LUZP1: variants seen among roughly 807,000 people sequenced by gnomAD.
LUZP1 encodes the protein leucine zipper protein 1, also known as filamin mechanobinding actin cross-linking protein.
In LUZP1, 25 loss-of-function variants were observed where a neutral mutation model predicts 71.3. The ratio of observed to expected loss-of-function variants is 0.35; its 90% CI spans 0.26 to 0.49. LUZP1 has a LOEUF of 0.49. LUZP1 is among the 20% of genes least tolerant of loss of function. The pLI is 0.99. For missense variants in LUZP1, 1,142 were observed against 1,300.8 expected, an observed-to-expected ratio of 0.88 and a Z score of 1.88; for synonymous variants, 481 against 506.4, an observed-to-expected ratio of 0.95 and a Z score of 0.67.
intron 2 of LUZP1, among the ~76,000 whole-genome samples, chr1:23,167,271 T>C (rs1644516926): frequency 6.6e-6 from 1 of 152,176 alleles, no homozygotes; most frequent in Admixed American, 6.5e-5. Flanking sequence ...TTAGGTGATC[T>C]GAATTCTCCC....
At chr1:23,117,186 C>T (rs1644086155) in intron 2 of LUZP1, among the ~76,000 whole-genome samples, 1 of 152,112 alleles carries the variant, frequency 6.6e-6, no homozygotes, top group South Asian at 2.1e-4. Flanking sequence ...TGGCAACATG[C>T]TATAAGGGAA....
chr1:23,103,229 G>A (rs1269699970), intron 3 of LUZP1, among the ~76,000 whole-genome samples: 3 of 151,886 alleles, frequency 2.0e-5, no homozygotes, highest in African/African-American at 4.8e-5. Flanking sequence ...ACAGACGCGA[G>A]CCACCGCCCC....
chr1:23,124,422 AG>A (rs1401429082), intron 2 of LUZP1, among the ~76,000 whole-genome samples: 1 of 152,174 alleles, frequency 6.6e-6, no homozygotes. Flanking sequence ...GGCTAAGGAC[AG>A]GGTAGGCAAA....
At chr1:23,098,157 A>T (rs185701530) in intron 3 of LUZP1, among the ~76,000 whole-genome samples, 2 of 152,370 alleles carry the variant, frequency 1.3e-5, no homozygotes, top group Admixed American at 6.5e-5. Context: ...ACTGAACCAG[A>T]TCGAAGCACT....
chr1:23,110,126 G>C (rs1359895291), intron 2 of LUZP1, among the ~76,000 whole-genome samples: 1 of 152,150 alleles, frequency 6.6e-6, no homozygotes, highest in Non-Finnish European at 1.5e-5. Flanking sequence ...TTAAACTCAA[G>C]TCTGTCTGAC....
At chr1:23,103,592 T>G (rs1029596956) in intron 3 of LUZP1, among the ~76,000 whole-genome samples, 1 of 151,862 alleles carries the variant, frequency 6.6e-6, no homozygotes, top group Admixed American at 6.6e-5. Context: ...CACTCCATCT[T>G]TGGACAGCTC....
At chr1:23,100,830 A>G (rs764388473) in intron 3 of LUZP1, among the ~76,000 whole-genome samples, 44 of 152,226 alleles carry the variant, frequency 2.9e-4, no homozygotes, top group Non-Finnish European at 5.3e-4. Flanking sequence ...AGAATTCTAC[A>G]TAGCTTTTAT....
intron 2 of LUZP1, among the ~76,000 whole-genome samples, chr1:23,127,690 AT>A (rs1186539083): frequency 6.6e-5 from 10 of 152,090 alleles, no homozygotes; most frequent in Admixed American, 2.6e-4. Context: ...AGCCCAGCTA[AT>A]TTTTTGCATT....
chr1:23,092,978 G>A lies in LUZP1; in HGVS notation c.1284C>T (p.Asn428=), dbSNP rs777341423. The change falls in exon 4 of 5, where the codon AAC becomes AAT. Residue 428 remains asparagine, a synonymous_variant. Transcript: ENST00000302291. The stretch of plus-strand genomic sequence containing the variant: ...TGTGAGAAGCTTTTGCTGCCCTCCT[G>A]TTGGTGAAACTGGGAGAAGAAACCT... The A allele has an allele frequency of 3.1e-6, 5 of 1,614,074 alleles. No individual in the cohort carries two copies. In the Admixed American group the frequency reaches 5.0e-5, roughly 16 times the overall value.
At chr1:23,142,256 A>G (rs1477948367) in intron 2 of LUZP1, among the ~76,000 whole-genome samples, 1 of 151,944 alleles carries the variant, frequency 6.6e-6, no homozygotes. Context: ...AGACTCCCAA[A>G]GTGCTGGGAT....
intron 2 of LUZP1, among the ~76,000 whole-genome samples, chr1:23,128,921 T>C (rs188584988): frequency 3.6e-4 from 55 of 152,364 alleles, no homozygotes; most frequent in African/African-American, 8.9e-4. Context: ...GCTGTGCTTC[T>C]TAGGCGGAGC....
chr1:23,163,891 C>T (rs540898549), intron 2 of LUZP1: 1 of 152,184 alleles, frequency 6.6e-6, no homozygotes, highest in Non-Finnish European at 1.5e-5. Context: ...TCAGTTCCCT[C>T]ATTTATAAAA....
chr1:23,117,509 G>A (rs1219765440), intron 2 of LUZP1, among the ~76,000 whole-genome samples: 1 of 60,206 alleles, frequency 1.7e-5, no homozygotes, highest in Non-Finnish European at 3.0e-5. Context: ...GGAAGCCCTG[G>A]GGGGGGGGGC....
At position 23,092,477 on chromosome 1, in the gene LUZP1, C is replaced by T. The variant is rs752143025; in HGVS notation, c.1785G>A (p.Pro595=). The T allele has an allele frequency of 5.6e-5, 91 of 1,614,036 alleles. No homozygotes were observed. The highest frequency in any genetic ancestry group is 7.3e-5 in the Non-Finnish European group (86 of 1,180,028). ...TCGATAGAACAGGAGCCTTGGAATT[C>T]GGGCAACTGTTATCAGCCTCAAGGC... Residue 595 remains proline (P), a synonymous_variant, in exon 4 of 5, where the codon CCG becomes CCA. Transcript: ENST00000302291.
intron 1 of LUZP1, among the ~76,000 whole-genome samples, chr1:23,175,925 C>T (rs888833187): frequency 6.6e-6 from 1 of 152,158 alleles, no homozygotes; most frequent in African/African-American, 2.4e-5. Context: ...GGGTAAGGAA[C>T]ATGCTCAAGG....
At chr1:23,172,861 T>G (rs1358140267) in intron 1 of LUZP1, among the ~76,000 whole-genome samples, 1 of 151,198 alleles carries the variant, frequency 6.6e-6, no homozygotes, top group African/African-American at 2.4e-5. Flanking sequence ...TGAGACAGAG[T>G]CTCGCTCTGT....
chr1:23,103,042 C>T (rs1643943784), intron 3 of LUZP1, among the ~76,000 whole-genome samples: 1 of 151,930 alleles, frequency 6.6e-6, no homozygotes, highest in Non-Finnish European at 1.5e-5. Context: ...AGCAATCCTC[C>T]CACCTTAAGT....
At chr1:23,139,967 T>C (rs1421947601) in intron 2 of LUZP1, among the ~76,000 whole-genome samples, 2 of 145,100 alleles carry the variant, frequency 1.4e-5, no homozygotes, top group African/African-American at 2.5e-5. Context: ...AAAAAAAAAA[T>C]GTGTTAACTG....
In LUZP1 at chr1:23,117,520, G is replaced by C. The variant is rs866525369; in HGVS notation, c.-225-8393C>G. On this transcript the variant is annotated intron_variant, in intron 2 of 4. Transcript: ENST00000302291. ...ATCAGGAAGCCCTGGGGGGGGGGGCGGGGGGGGGGAACACCTTGAGAAAGT... is the reference window on the plus strand; with the variant it reads ...ATCAGGAAGCCCTGGGGGGGGGGGCCGGGGGGGGGAACACCTTGAGAAAGT... Among the ~76,000 whole-genome samples, 46 of 65,190 alleles carry C rather than the reference G, an allele frequency of 7.1e-4. 1 individual carries two copies. Among genetic ancestry groups the C allele is most frequent in the South Asian group, 2.4e-3 (3 of 1,252 alleles). 42.8% of individuals were successfully genotyped at this position (65,190 alleles called of 152,430 possible).
Sources: gnomAD v4.1 joint callset for allele counts (sites outside exome capture counted in the v4.1 genomes callset) on GRCh38, gnomAD v4.1.1 for gene constraint, MANE v1.5 for transcripts, NCBI Gene and HGNC (gene_info 2026-07-23, HGNC 2026-07-21) for gene names.